CHN2: variants seen among roughly 807,000 people sequenced by gnomAD.
CHN2 encodes the protein beta-chimaerin.
In CHN2, 35 loss-of-function variants were observed where a neutral mutation model predicts 56.3. The observed-to-expected ratio is 0.62, with a 90% CI of 0.47 to 0.82. The LOEUF (loss-of-function observed/expected upper bound fraction) is 0.82. CHN2 is among the 40% of genes least tolerant of loss of function. The pLI is 0.00. For synonymous variants in CHN2, 210 were observed against 212.8 expected, an observed-to-expected ratio of 0.99 and a Z score of 0.12; for missense variants, 491 against 580.5, an observed-to-expected ratio of 0.85 and a Z score of 1.58.
chr7:29,339,863 A>AT (rs1349353916), intron 1 of CHN2, among the ~76,000 whole-genome samples: 5 of 151,528 alleles, frequency 3.3e-5, no homozygotes, highest in African/African-American at 4.8e-5. Flanking sequence ...CAAAAAAAAA[A>AT]AATAATAACA....
intron 3 of CHN2, among the ~76,000 whole-genome samples, chr7:29,372,768 A>C (rs1023409803): frequency 9.2e-5 from 14 of 152,192 alleles, no homozygotes; most frequent in African/African-American, 3.4e-4. Flanking sequence ...TTTTTCCTGG[A>C]CTAATCCAAG....
intron 3 of CHN2, among the ~76,000 whole-genome samples, chr7:29,389,990 G>T (rs1585236033): frequency 6.7e-6 from 1 of 148,652 alleles, no homozygotes; most frequent in South Asian, 2.1e-4. Context: ...GGAGGTGGAG[G>T]TTGTAGTGAG....
At chr7:29,345,841 G>A (rs1248192157) in intron 1 of CHN2, among the ~76,000 whole-genome samples, 1 of 152,070 alleles carries the variant, frequency 6.6e-6, no homozygotes, top group Non-Finnish European at 1.5e-5. Flanking sequence ...GCCCTCCATG[G>A]CTTCATCATC....
chr7:29,353,241 C>CA (rs1412850898), intron 1 of CHN2, among the ~76,000 whole-genome samples: 3 of 152,166 alleles, frequency 2.0e-5, no homozygotes, highest in Non-Finnish European at 4.4e-5. Flanking sequence ...TTAAGCTGCA[C>CA]AAGTGAGTAT....
chr7:29,402,192 C>T (rs1802276301), intron 6 of CHN2, among the ~76,000 whole-genome samples: 1 of 152,152 alleles, frequency 6.6e-6, no homozygotes, highest in Admixed American at 6.5e-5. Context: ...GGCGGGGTGG[C>T]ACCGTGGTCC....
intron 1 of CHN2, among the ~76,000 whole-genome samples, chr7:29,275,451 C>T (rs1255861227): frequency 2.0e-5 from 3 of 152,214 alleles, no homozygotes; most frequent in South Asian, 2.1e-4. Flanking sequence ...TGTTTTCCCA[C>T]ATGTAAGACT....
At position 29,155,136 on chromosome 7, in the gene CHN2, G is replaced by A. The variant is rs569772545; in HGVS notation, c.274+8176G>A. Among the ~76,000 whole-genome samples the A allele has an allele frequency of 7.9e-5, 12 of 152,100 alleles. No homozygotes were observed. The South Asian group carries it at 1.9e-3, about 24-fold the overall frequency. On this transcript the variant is annotated intron_variant, in intron 2 of 6. Coordinates refer to the CHN2 transcript ENST00000439384. The stretch of plus-strand genomic sequence containing the variant: ...TCCCACCAGGTCCCTCCCACAACAC[G>A]TGGGAATTCAAGATGAGATTTGGGT...
intron 6 of CHN2, among the ~76,000 whole-genome samples, chr7:29,450,980 A>G (rs1056798174): frequency 6.6e-6 from 1 of 152,130 alleles, no homozygotes; most frequent in African/African-American, 2.4e-5. Flanking sequence ...CATCTTGGCC[A>G]GGCTGATCTT....
At chr7:29,379,486 C>G (rs1307716347) in intron 3 of CHN2, among the ~76,000 whole-genome samples, 1 of 152,074 alleles carries the variant, frequency 6.6e-6, no homozygotes, top group African/African-American at 2.4e-5. Context: ...CTGCAGTTAA[C>G]TCTGAAGTCT....
At chr7:29,347,822 G>A (rs960536886) in intron 1 of CHN2, among the ~76,000 whole-genome samples, 1 of 152,172 alleles carries the variant, frequency 6.6e-6, no homozygotes, top group Non-Finnish European at 1.5e-5. Context: ...GTTATAAAAA[G>A]AAAATAACAT....
chr7:29,381,555 G>C (rs937293192), intron 3 of CHN2, among the ~76,000 whole-genome samples: 2 of 152,050 alleles, frequency 1.3e-5, no homozygotes, highest in African/African-American at 4.8e-5. Flanking sequence ...GAAGCCCACT[G>C]TGAGAATGGA....
intron 3 of CHN2, among the ~76,000 whole-genome samples, chr7:29,389,926 C>T (rs554497241): frequency 2.0e-5 from 3 of 151,698 alleles, no homozygotes; most frequent in South Asian, 4.2e-4. Flanking sequence ...CGGTGGTATG[C>T]GCCTGTAATC....
At chr7:29,496,673 A>G (rs1359335703) in intron 8 of CHN2, among the ~76,000 whole-genome samples, 1 of 152,248 alleles carries the variant, frequency 6.6e-6, no homozygotes, top group Non-Finnish European at 1.5e-5. Flanking sequence ...TTGATATCAC[A>G]TATTTTCAAA....
intron 6 of CHN2, among the ~76,000 whole-genome samples, chr7:29,426,844 A>C (rs558169217): frequency 6.6e-6 from 1 of 151,890 alleles, no homozygotes; most frequent in Admixed American, 6.6e-5. Flanking sequence ...TGAGCTCCTT[A>C]CTTCCTTGCT....
chr7:29,170,496 G>A (rs1796458811), intron 2 of CHN2, among the ~76,000 whole-genome samples: 2 of 152,140 alleles, frequency 1.3e-5, no homozygotes, highest in South Asian at 2.1e-4. Flanking sequence ...TTCATCTGGG[G>A]ACGAATTTAA....
At chr7:29,241,269 G>A (rs925215323) in intron 1 of CHN2, among the ~76,000 whole-genome samples, 3 of 152,230 alleles carry the variant, frequency 2.0e-5, no homozygotes, top group Admixed American at 6.5e-5. Context: ...TTTGAATGGT[G>A]ACTAAAACAG....
rs10264284 is a variant in CHN2, at chr7:29,346,296, A to G, written c.50-8329A>G. On this transcript the variant is annotated intron_variant, in intron 1 of 12. Coordinates refer to ENST00000222792, the MANE Select transcript of CHN2 (RefSeq NM_004067.4). ...GTATGTATCAAAGACATATTGTAGCATGTGCACAGACACAACATCCCACTC... is the reference window on the plus strand; with the variant it reads ...GTATGTATCAAAGACATATTGTAGCGTGTGCACAGACACAACATCCCACTC... Among the ~76,000 whole-genome samples the G allele has an allele frequency of 6.8e-3, 1,036 of 152,324 alleles. 15 individuals carry two copies. Among genetic ancestry groups the G allele is most frequent in the African/African-American group, 0.023 (948 of 41,580 alleles).
intron 6 of CHN2, among the ~76,000 whole-genome samples, chr7:29,459,464 T>C (rs1351527316): frequency 6.6e-6 from 1 of 152,174 alleles, no homozygotes; most frequent in African/African-American, 2.4e-5. Context: ...GATGAGACTT[T>C]CCGAGCTCGC....
chr7:29,463,154 G>A (rs1785297029), intron 6 of CHN2, among the ~76,000 whole-genome samples: 1 of 151,878 alleles, frequency 6.6e-6, no homozygotes, highest in Non-Finnish European at 1.5e-5. Context: ...TTCTTTTTGT[G>A]AGGGAAGAAC....
Sources: allele counts gnomAD v4.1 joint callset (sites outside exome capture counted in the v4.1 genomes callset), GRCh38; gene constraint gnomAD v4.1.1; transcripts MANE v1.5; gene names NCBI Gene and HGNC (gene_info 2026-07-23, HGNC 2026-07-21).